CSK: variants seen among roughly 807,000 people sequenced by gnomAD.
The protein encoded by CSK is tyrosine-protein kinase CSK.
A neutral mutation model predicts 62.3 loss-of-function variants in CSK; 7 were observed. The ratio of observed to expected loss-of-function variants is 0.11; its 90% CI spans 0.06 to 0.21. The LOEUF is 0.21. Among genes scored for constraint, CSK ranks in the 10% least tolerant of loss-of-function variants. The pLI is 1.00. For synonymous variants in CSK, 237 were observed against 246.0 expected, an observed-to-expected ratio of 0.96 and a Z score of 0.34; for missense variants, 294 against 613.5, an observed-to-expected ratio of 0.48 and a Z score of 5.50.
At chr15:74,784,043 C>T (rs1347526517) in intron 1 of CSK, among the ~76,000 whole-genome samples, 1 of 152,176 alleles carries the variant, frequency 6.6e-6, no homozygotes, top group Non-Finnish European at 1.5e-5. Context: ...TTGGTTGTGG[C>T]CACAGCAGGA....
Position 74,800,459 on chromosome 15 carries a change from A to G in CSK, c.510A>G (p.Pro170=), listed in dbSNP as rs376649519. 18 of 1,613,946 alleles carry G rather than the reference A, an allele frequency of 1.1e-5. No homozygotes were observed. The African/African-American group carries it at 2.4e-4, about 22-fold the overall frequency. The part of the protein sequence containing the change: ...ADGLCTRLIK[P]KVMEGTVAAQ... Reference sequence around the variant, plus strand: ...GACTCTGTACGCGCCTCATTAAACCAAAGGTCATGGAGGGCACAGTGGCGG... The same window carrying G: ...GACTCTGTACGCGCCTCATTAAACCGAAGGTCATGGAGGGCACAGTGGCGG... Residue 170 remains proline (P), a synonymous_variant, in exon 6 of 13, where the codon CCA becomes CCG. Transcript: ENST00000220003.
Position 74,802,778 on chromosome 15 carries a change from G to A in CSK, c.*265G>A, listed in dbSNP as rs1349667964. The A allele has an allele frequency of 7.0e-6, 3 of 427,808 alleles. No homozygotes were observed. The highest frequency in any genetic ancestry group is 4.5e-5 in the South Asian group (1 of 22,280). 26.5% of individuals were successfully genotyped at this position (427,808 alleles called of 1,614,324 possible). On this transcript the variant is annotated 3_prime_UTR_variant, in exon 13 of 13. Coordinates refer to ENST00000220003, the MANE Select transcript of CSK (RefSeq NM_004383.3). Reference sequence around the variant, plus strand: ...CCACGTCGGGCTTCCCTGGCCTCCCGCCACTCGCCTTCTTAGAGTTTTATT... The same window carrying A: ...CCACGTCGGGCTTCCCTGGCCTCCCACCACTCGCCTTCTTAGAGTTTTATT...
Position 74,792,444 on chromosome 15 carries a change from T to A in CSK, c.-65-5789T>A, listed in dbSNP as rs2063636920. Among the ~76,000 whole-genome samples the A allele has an allele frequency of 2.0e-5, 3 of 152,302 alleles. No homozygotes were observed. The South Asian group carries it at 6.2e-4, about 32-fold the overall frequency. On this transcript the variant is annotated intron_variant, in intron 1 of 12. Coordinates refer to ENST00000220003, the MANE Select transcript of CSK (RefSeq NM_004383.3). ...ACAAGTCCCAGAAAGGTCAAGTGAC[T>A]TTCCCAAGGTCACACAGCAAGTTGA...
intron 1 of CSK, among the ~76,000 whole-genome samples, chr15:74,785,045 C>A (rs2063495191): frequency 6.6e-6 from 1 of 152,166 alleles, no homozygotes; most frequent in African/African-American, 2.4e-5. Context: ...TACTCATTTT[C>A]TTGATTTAGA....
chr15:74,802,501 G>A lies in CSK; in HGVS notation c.1341G>A (p.Glu447=), dbSNP rs751260499. The A allele has an allele frequency of 6.2e-6, 10 of 1,612,444 alleles. No homozygotes were observed. In the East Asian group the frequency reaches 2.2e-4, roughly 36 times the overall value. The part of the protein sequence containing the change: ...REQLEHIKTH[E]LHL ...AGCTTGAGCACATCAAAACCCACGA[G>A]CTGCACCTGTGACGGCTGGCCTCCG... The change falls in exon 13 of 13, where the codon GAG becomes GAA. Residue 447 remains glutamate (E), a synonymous_variant. Transcript: ENST00000220003.
Position 74,799,500 on chromosome 15 carries a change from G to T in CSK, c.462+9G>T, listed in dbSNP as rs766326351. On this transcript the variant is annotated intron_variant, in intron 5 of 12. Transcript: ENST00000220003. ...TCATGCAGCTGGTGGAGGTGAGCTG[G>T]GGGGTACAGAGCCTTGCTCCCACCC... is the stretch of plus-strand genomic sequence containing the variant. 6.2e-7 allele frequency: 1 copy of T among 1,610,962 alleles called. No homozygotes were observed. The highest frequency in any genetic ancestry group is 1.1e-5 in the South Asian group (1 of 90,650).
chr15:74,790,658 A>T (rs1040509944), intron 1 of CSK, among the ~76,000 whole-genome samples: 21 of 152,224 alleles, frequency 1.4e-4, no homozygotes, highest in Admixed American at 1.3e-3. Context: ...GGTTAACTAT[A>T]GTCCTATTGG....
intron 1 of CSK, among the ~76,000 whole-genome samples, chr15:74,784,368 C>G (rs1017255575): frequency 3.3e-5 from 5 of 152,072 alleles, no homozygotes; most frequent in African/African-American, 7.3e-5. Context: ...ATGGTTAGCT[C>G]CCTCCCACCC....
chr15:74,783,018 G>C (rs535545518), intron 1 of CSK, among the ~76,000 whole-genome samples: 2 of 152,232 alleles, frequency 1.3e-5, no homozygotes, highest in Non-Finnish European at 2.9e-5. Flanking sequence ...GGAGTCTGGA[G>C]GAAGAGGATC....
Position 74,799,319 on chromosome 15 carries a change from A to G in CSK, c.290A>G (p.Tyr97Cys), listed in dbSNP as rs750380440. 1.2e-6 allele frequency: 2 copies of G among 1,611,472 alleles called. No individual in the cohort carries two copies. Among genetic ancestry groups the G allele is most frequent in the Admixed American group, 1.7e-5 (1 of 59,978 alleles). Residue 97 changes from tyrosine (Y) to cysteine (C), a missense_variant, in exon 5 of 13, where the codon TAC (tyrosine) becomes TGC (cysteine). Physicochemically the swap from Tyr to Cys is radical, Grantham distance 194. This residue lies in a region of CSK where 202 missense variants were observed against 415.7 expected (regional missense o/e 0.49). Transcript: ENST00000220003. ...CGGGAGCAGGCTGAGCGGCTTCTGT[A>G]CCCGCCGGAGACAGGCCTGTTCCTG... Reference protein sequence around the residue: ...ITREQAERLLYPPETGLFLVR... With the variant: ...ITREQAERLLCPPETGLFLVR...
intron 1 of CSK, among the ~76,000 whole-genome samples, chr15:74,796,538 G>A (rs1467515112): frequency 6.6e-6 from 1 of 150,708 alleles, no homozygotes; most frequent in African/African-American, 2.4e-5. Flanking sequence ...AGGCTGCTGT[G>A]AGCTATGATC....
intron 1 of CSK, among the ~76,000 whole-genome samples, chr15:74,789,619 T>C (rs1459113901): frequency 6.6e-6 from 1 of 152,218 alleles, no homozygotes; most frequent in Non-Finnish European, 1.5e-5. Context: ...CTGTAGGCCC[T>C]GCTCGGAGGT....
At chr15:74,784,765 C>T (rs35979634) in intron 1 of CSK, among the ~76,000 whole-genome samples, 1,910 of 152,312 alleles carry the variant, frequency 0.013, 49 homozygotes, top group African/African-American at 0.045. Flanking sequence ...CATGGCTGCC[C>T]CCCAAAGGGG....
intron 1 of CSK, among the ~76,000 whole-genome samples, chr15:74,792,855 A>G (rs2063644296): frequency 6.6e-6 from 1 of 152,190 alleles, no homozygotes. Flanking sequence ...AGTCAGCGTG[A>G]AGCACTGGTC....
intron 4 of CSK, 33 bp from the exon 5 acceptor site, chr15:74,799,239 G>T: frequency 1.3e-6 from 2 of 1,582,348 alleles, no homozygotes; most frequent in Non-Finnish European, 8.6e-7. Flanking sequence ...GTACCTTTGG[G>T]CCACCATGAC....
Position 74,798,052 on chromosome 15 carries a change from C to T in CSK, c.-65-181C>T, listed in dbSNP as rs188170225. 23 of 470,368 alleles carry T rather than the reference C, an allele frequency of 4.9e-5. No homozygotes were observed. The East Asian group carries it at 8.1e-4, about 17-fold the overall frequency. The allele number at this position is 470,368 out of a possible 1,614,324, so 29.1% of individuals were successfully genotyped here. On this transcript the variant is annotated intron_variant, in intron 1 of 12. Coordinates refer to ENST00000220003, the MANE Select transcript of CSK (RefSeq NM_004383.3). The surrounding 1 kb of genome is among the most constrained non-coding windows in gnomAD (Gnocchi z 6.6). Reference sequence around the variant, plus strand: ...GGCTCCCTCTGCCCCTGGGGGTCCTCAGCCCTCATGCTCCTCTACCCAGTA... The same window carrying T: ...GGCTCCCTCTGCCCCTGGGGGTCCTTAGCCCTCATGCTCCTCTACCCAGTA...
In CSK at chr15:74,801,043, C is replaced by T. The variant is rs763472074; in HGVS notation, c.754C>T (p.Leu252=). 3.1e-6 allele frequency: 5 copies of T among 1,613,410 alleles called. No homozygotes were observed. The East Asian group carries it at 1.1e-4, about 36-fold the overall frequency. Residue 252 remains leucine (L), a synonymous_variant, in exon 9 of 13, where the codon CTG becomes TTG. Transcript: ENST00000220003. ...QLRHSNLVQL[L]GVIVEEKGGL... ...GCGGCATAGCAACCTGGTGCAGCTC[C>T]TGGGCGTGATCGTGGAGGAGAAGGG...
chr15:74,800,298 G>C, intron 5 of CSK, 114 bp from the exon 6 acceptor site: 2 of 867,728 alleles, frequency 2.3e-6, no homozygotes, highest in African/African-American at 3.3e-5. Flanking sequence ...TCCCCACTCA[G>C]TGACTCCAGG....
rs2063819483 is a variant in CSK at position 74,803,113 on chromosome 15, A to ACCC, written c.*601_*603dup. The ACCC allele has an allele frequency of 6.6e-6, 1 of 152,326 alleles. No homozygotes were observed. The highest frequency in any genetic ancestry group is 6.6e-5 in the Admixed American group (1 of 15,182). The allele number at this position is 152,326 out of a possible 1,614,324, so 9.4% of individuals were successfully genotyped here. On this transcript the variant is annotated 3_prime_UTR_variant, in exon 13 of 13. Transcript: ENST00000220003. The stretch of plus-strand genomic sequence containing the variant: ...GGCTTGGATTTCGTGTGCCGCTGCC[A>ACCC]CCCGCCCACCCGCCTTGTGAGATGG...
Sources: allele counts gnomAD v4.1 joint callset (sites outside exome capture counted in the v4.1 genomes callset), GRCh38; gene constraint gnomAD v4.1.1; regional missense constraint gnomAD v4.1.1; non-coding constraint Gnocchi (gnomAD v3.1); transcripts MANE v1.5; gene names NCBI Gene and HGNC (gene_info 2026-07-23, HGNC 2026-07-21).